Variants in RBM20 observed in about 807,000 individuals in gnomAD.
The protein encoded by RBM20 is RNA binding motif protein 20.
A neutral mutation model predicts 110.1 loss-of-function variants in RBM20; 51 were observed. The ratio of observed to expected loss-of-function variants is 0.46; its 90% CI spans 0.37 to 0.59. The LOEUF is 0.59. Ranked by LOEUF, RBM20 falls within the 20% of genes least tolerant of loss-of-function variation. The probability of loss-of-function intolerance (pLI) is 0.00; values close to 1 mark genes in which losing one functional copy is unlikely to be tolerated. For synonymous variants in RBM20, 589 were observed against 618.2 expected (o/e 0.95, Z 0.70); for missense variants, 1,512 against 1,574.9 (o/e 0.96, Z 0.68).
chr10:110,748,170 C>T lies in RBM20; in HGVS notation c.192-32631C>T, dbSNP rs945424058. 4.6e-5 allele frequency among the ~76,000 whole-genome samples: 7 copies of T among 151,856 alleles called. No homozygotes were observed. The South Asian group carries it at 6.2e-4, about 14-fold the overall frequency. On this transcript the variant is annotated intron_variant, in intron 1 of 13. Transcript: ENST00000369519. Reference sequence around the variant, plus strand: ...AGCAATGGGTTTAGGAGTTCTATGGCGAAAAGGCATTTCCTGAGATTGAAT... The same window carrying T: ...AGCAATGGGTTTAGGAGTTCTATGGTGAAAAGGCATTTCCTGAGATTGAAT...
intron 3 of RBM20, 57 bp downstream of exon 3, chr10:110,783,484 C>A: frequency 7.5e-7 from 1 of 1,331,426 alleles, no homozygotes; most frequent in Non-Finnish European, 1.1e-6. Context: ...ATTCACTGAG[C>A]ATTTACTGTG....
At chr10:110,750,266 G>A (rs1161756641) in intron 1 of RBM20, among the ~76,000 whole-genome samples, 1 of 152,218 alleles carries the variant, frequency 6.6e-6, no homozygotes, top group Non-Finnish European at 1.5e-5. Context: ...CATGAAAGGT[G>A]GAAACTATCG....
At chr10:110,651,831 G>A (rs1172920157) in intron 1 of RBM20, among the ~76,000 whole-genome samples, 5 of 152,178 alleles carry the variant, frequency 3.3e-5, no homozygotes, top group Admixed American at 3.3e-4. Context: ...GAGACCGAGT[G>A]TTTCCAGAGC....
At chr10:110,810,769 C>A (rs1381931869) in intron 8 of RBM20, among the ~76,000 whole-genome samples, 2 of 151,908 alleles carry the variant, frequency 1.3e-5, no homozygotes, top group Non-Finnish European at 2.9e-5. Context: ...AGTCTACACC[C>A]TATTAAAACA....
At position 110,821,453 on chromosome 10, in the gene RBM20, C is replaced by G; in HGVS notation, c.2834C>G (p.Thr945Arg). 1 of 1,551,808 alleles carries G rather than the reference C, an allele frequency of 6.4e-7. No homozygotes were observed. Among genetic ancestry groups the G allele is most frequent in the Non-Finnish European group, 8.7e-7 (1 of 1,147,032 alleles). Residue 945 changes from threonine to arginine, a missense_variant, in exon 11 of 14, where the codon ACA becomes AGA. Thr to Arg is a moderately conservative substitution (Grantham distance 71). Around this residue, in one of 3 missense-constraint regions of RBM20, gnomAD observed 358 missense variants for 384.2 expected, o/e 0.93. Coordinates refer to ENST00000369519, the MANE Select transcript of RBM20 (RefSeq NM_001134363.3). The part of the protein sequence containing the change: ...IDQKDKICPE[T>R]CLCVTTTLDL... ...CAGAAAGACAAAATTTGCCCAGAAA[C>G]ATGTCTGTGTGTGACAACCACCTTA...
intron 2 of RBM20, among the ~76,000 whole-genome samples, chr10:110,782,752 A>G (rs1019339006): frequency 7.2e-5 from 11 of 151,818 alleles, no homozygotes; most frequent in Non-Finnish European, 1.0e-4. Flanking sequence ...CCTGCCTCCC[A>G]TCTCTCATCC....
At chr10:110,652,938 G>A (rs1375993977) in intron 1 of RBM20, among the ~76,000 whole-genome samples, 2 of 152,162 alleles carry the variant, frequency 1.3e-5, no homozygotes, top group Non-Finnish European at 2.9e-5. Context: ...GGACTTTTAT[G>A]GGAGTGGCAG....
chr10:110,795,698 T>C (rs1844541525), intron 5 of RBM20, among the ~76,000 whole-genome samples: 1 of 152,216 alleles, frequency 6.6e-6, no homozygotes, highest in Non-Finnish European at 1.5e-5. Context: ...GAGACTATGC[T>C]ATTAGAATGT....
At chr10:110,813,496 C>T (rs768118776) in intron 9 of RBM20, among the ~76,000 whole-genome samples, 2 of 152,192 alleles carry the variant, frequency 1.3e-5, no homozygotes, top group Non-Finnish European at 1.5e-5. Context: ...CTAAATTAAA[C>T]TGGGTGCCCA....
intron 8 of RBM20, among the ~76,000 whole-genome samples, chr10:110,810,844 T>TGC (rs1844758593): frequency 8.6e-6 from 1 of 116,552 alleles, no homozygotes; most frequent in Non-Finnish European, 1.9e-5. Context: ...TGCATGTGTG[T>TGC]GCGTGTGTGT....
chr10:110,778,797 C>T (rs1348474282), intron 1 of RBM20, among the ~76,000 whole-genome samples: 1 of 152,334 alleles, frequency 6.6e-6, no homozygotes, highest in Middle Eastern at 3.4e-3. Flanking sequence ...ACCACATATC[C>T]CAGATGTTCT....
chr10:110,802,753 A>T (rs1844645555), intron 7 of RBM20, among the ~76,000 whole-genome samples: 1 of 152,328 alleles, frequency 6.6e-6, no homozygotes, highest in African/African-American at 2.4e-5. Flanking sequence ...GCCAGGTGCC[A>T]TGGAGGGAGA....
intron 1 of RBM20, among the ~76,000 whole-genome samples, chr10:110,656,241 A>T (rs532363619): frequency 2.0e-5 from 3 of 152,042 alleles, no homozygotes; most frequent in Non-Finnish European, 4.4e-5. Flanking sequence ...GGCAGAGGTT[A>T]CAACAGTGAG....
At chr10:110,760,742 G>A (rs1843987264) in intron 1 of RBM20, among the ~76,000 whole-genome samples, 1 of 149,744 alleles carries the variant, frequency 6.7e-6, no homozygotes, top group Non-Finnish European at 1.5e-5. Flanking sequence ...CACCTGGCCA[G>A]GAATTCCTTT....
chr10:110,751,572 A>G (rs1843854015), intron 1 of RBM20, among the ~76,000 whole-genome samples: 1 of 152,210 alleles, frequency 6.6e-6, no homozygotes, highest in African/African-American at 2.4e-5. Flanking sequence ...GTAACCAAAT[A>G]TGTTCTTGCA....
chr10:110,813,859 T>C (rs1415729061), intron 9 of RBM20, among the ~76,000 whole-genome samples: 1 of 133,438 alleles, frequency 7.5e-6, no homozygotes, highest in African/African-American at 2.8e-5. Flanking sequence ...AAAAAAAAAA[T>C]GCATGGCAAT....
Position 110,644,697 on chromosome 10 carries a change from C to T in RBM20, c.191+52C>T, listed in dbSNP as rs1265741665. The T allele has an allele frequency of 1.1e-5, 14 of 1,321,856 alleles. No homozygotes were observed. Among genetic ancestry groups the T allele is most frequent in the East Asian group, 5.9e-5 (2 of 33,856 alleles). 81.9% of individuals were successfully genotyped at this position (1,321,856 alleles called of 1,614,324 possible). ...CACGGGTGCGCCTGGGGACACGCCC[C>T]GAGAGCCCCCTTTGTGGCTTCATTT... On this transcript the variant is annotated intron_variant, in intron 1 of 13. Coordinates refer to ENST00000369519, the MANE Select transcript of RBM20 (RefSeq NM_001134363.3). The surrounding 1 kb of genome is among the most constrained non-coding windows in gnomAD (Gnocchi z 4.3).
chr10:110,831,981 GA>G (rs1483239969), intron 13 of RBM20, among the ~76,000 whole-genome samples: 1 of 151,914 alleles, frequency 6.6e-6, no homozygotes. Context: ...GTACCAACTA[GA>G]AAAAAAATGT....
Position 110,766,315 on chromosome 10 carries a change from T to G in RBM20, c.192-14486T>G, listed in dbSNP as rs544859571. Among the ~76,000 whole-genome samples the G allele has an allele frequency of 4.1e-3, 587 of 142,816 alleles. 5 individuals carry two copies. The highest frequency in any genetic ancestry group is 0.015 in the African/African-American group (558 of 38,162). 93.7% of individuals were successfully genotyped at this position (142,816 alleles called of 152,430 possible). On this transcript the variant is annotated intron_variant, in intron 1 of 13. Coordinates refer to ENST00000369519, the MANE Select transcript of RBM20 (RefSeq NM_001134363.3). ...TAGCTCTACTCTGCAGTAACTTTGTTTTTTTTTTTGTTTTTTGTTTTTTGT... is the reference window on the plus strand; with the variant it reads ...TAGCTCTACTCTGCAGTAACTTTGTGTTTTTTTTTGTTTTTTGTTTTTTGT...
Sources: gnomAD v4.1 joint callset for allele counts (sites outside exome capture counted in the v4.1 genomes callset) on GRCh38, gnomAD v4.1.1 for gene constraint, gnomAD v4.1.1 regional missense constraint, Gnocchi (gnomAD v3.1) non-coding constraint, MANE v1.5 for transcripts, NCBI Gene and HGNC (gene_info 2026-07-23, HGNC 2026-07-21) for gene names.